The following MCC variants were observed in gnomAD, a reference collection of about 807,000 sequenced individuals.
MCC encodes colorectal mutant cancer protein.
In MCC, 90 loss-of-function variants were observed where a neutral mutation model predicts 116.2. The observed-to-expected ratio is 0.77, with a 90% CI of 0.65 to 0.92. The LOEUF (loss-of-function observed/expected upper bound fraction) is 0.92, where lower values mean the gene tolerates loss of function less well. MCC is among the 40% of genes least tolerant of loss of function. The pLI, the probability that MCC is intolerant of heterozygous loss-of-function variation, is 0.00. For synonymous variants in MCC, 578 were observed against 510.5 expected, an observed-to-expected ratio of 1.13 and a Z score of -1.78; for missense variants, 1,516 against 1,312.2, an observed-to-expected ratio of 1.16 and a Z score of -2.40.
At chr5:113,172,153 T>G (rs1169247663) in intron 3 of MCC, among the ~76,000 whole-genome samples, 1 of 152,150 alleles carries the variant, frequency 6.6e-6, no homozygotes, top group East Asian at 1.9e-4. Context: ...ATAGACACAG[T>G]TCAGCTCACA....
chr5:113,421,078 C>T (rs546527548), intron 1 of MCC, among the ~76,000 whole-genome samples: 2 of 151,882 alleles, frequency 1.3e-5, no homozygotes, highest in African/African-American at 4.8e-5. Context: ...GGCTGGAGTA[C>T]AGTGGCACGA....
chr5:113,044,585 G>A, intron 16 of MCC: 1 of 610,830 alleles, frequency 1.6e-6, no homozygotes, highest in Non-Finnish European at 2.0e-6. Flanking sequence ...TTTTTTGTTT[G>A]TTTTTTGAGA....
At chr5:113,282,597 C>T (rs781583254) in intron 3 of MCC, among the ~76,000 whole-genome samples, 4 of 152,088 alleles carry the variant, frequency 2.6e-5, no homozygotes, top group Non-Finnish European at 4.4e-5. Context: ...GAAATAAAAA[C>T]TCTTCCTGTC....
At chr5:113,148,821 A>G (rs1267210575) in intron 4 of MCC, among the ~76,000 whole-genome samples, 6 of 152,342 alleles carry the variant, frequency 3.9e-5, no homozygotes, top group African/African-American at 1.2e-4. Context: ...TCTATTTTAC[A>G]TAAGAATGCA....
chr5:113,156,543 G>A (rs1455669880), intron 3 of MCC, among the ~76,000 whole-genome samples: 1 of 152,216 alleles, frequency 6.6e-6, no homozygotes, highest in African/African-American at 2.4e-5. Context: ...GGACTAAGAA[G>A]CCAATAGCTG....
chr5:113,127,061 CCT>C (rs1207065687), intron 5 of MCC, among the ~76,000 whole-genome samples: 1 of 152,114 alleles, frequency 6.6e-6, no homozygotes, highest in Non-Finnish European at 1.5e-5. Context: ...CTGTTGTTCC[CCT>C]CTTTGTGTCC....
At chr5:113,170,577 G>A (rs566735892) in intron 3 of MCC, among the ~76,000 whole-genome samples, 26 of 152,042 alleles carry the variant, frequency 1.7e-4, no homozygotes, top group South Asian at 6.3e-4. Flanking sequence ...CCGGGGTCTC[G>A]GGGCATTCCT....
intron 3 of MCC, among the ~76,000 whole-genome samples, chr5:113,308,527 A>C (rs1211980444): frequency 6.6e-6 from 1 of 152,196 alleles, no homozygotes; most frequent in African/African-American, 2.4e-5. Context: ...AGCAGCCATA[A>C]GACTAACACT....
At chr5:113,449,996 A>C (rs1242941819) in intron 1 of MCC, among the ~76,000 whole-genome samples, 1 of 152,184 alleles carries the variant, frequency 6.6e-6, no homozygotes, top group Non-Finnish European at 1.5e-5. Context: ...AATTATATAC[A>C]GTTTGCACAA....
chr5:113,077,676 T>C (rs917731134), intron 11 of MCC, among the ~76,000 whole-genome samples: 1 of 152,204 alleles, frequency 6.6e-6, no homozygotes. Flanking sequence ...GGGAAACTTA[T>C]AGCACTAAAT....
chr5:113,434,240 C>G lies in MCC; in HGVS notation c.171-49028G>C. Reference sequence around the variant, plus strand: ...TGATGTAGAGGATCACGCCTAGGCTCCAGATGTCGTACACCTTGGGCTGGT... The same window carrying G: ...TGATGTAGAGGATCACGCCTAGGCTGCAGATGTCGTACACCTTGGGCTGGT... On this transcript the variant is annotated intron_variant, in intron 1 of 18. Transcript: ENST00000408903. This position sits in a 1 kb window ranked among gnomAD's most constrained non-coding sequence, Gnocchi z 4.2. 2 of 1,614,038 alleles carry G rather than the reference C, an allele frequency of 1.2e-6. No individual in the cohort carries two copies. The highest frequency in any genetic ancestry group is 1.7e-6 in the Non-Finnish European group (2 of 1,179,948).
intron 1 of MCC, among the ~76,000 whole-genome samples, chr5:113,467,211 G>C (rs1263940027): frequency 6.6e-6 from 1 of 151,688 alleles, no homozygotes; most frequent in South Asian, 2.1e-4. Context: ...TGTCAATTTT[G>C]GTTTTTGTTG....
intron 3 of MCC, among the ~76,000 whole-genome samples, chr5:113,176,768 A>T (rs1355883953): frequency 6.6e-6 from 1 of 152,090 alleles, no homozygotes; most frequent in Non-Finnish European, 1.5e-5. Flanking sequence ...ATCCTTTTTG[A>T]ATTCTTCCTC....
chr5:113,298,765 C>G (rs1227531208), intron 3 of MCC, among the ~76,000 whole-genome samples: 4 of 152,100 alleles, frequency 2.6e-5, no homozygotes, highest in Admixed American at 2.6e-4. Context: ...GTAGGGAAGA[C>G]AAGAATTCAG....
chr5:113,065,252 G>C (rs1753521375), intron 13 of MCC, among the ~76,000 whole-genome samples: 1 of 152,136 alleles, frequency 6.6e-6, no homozygotes, highest in Non-Finnish European at 1.5e-5. Flanking sequence ...CTACCCTGGT[G>C]GGGGACGCTG....
intron 3 of MCC, among the ~76,000 whole-genome samples, chr5:113,287,392 G>A (rs1028312470): frequency 2.0e-5 from 3 of 152,082 alleles, no homozygotes; most frequent in Non-Finnish European, 4.4e-5. Context: ...GCTGTGGTGC[G>A]ATCTTGGCTC....
chr5:113,172,656 C>T (rs1475548949), intron 3 of MCC, among the ~76,000 whole-genome samples: 2 of 152,166 alleles, frequency 1.3e-5, no homozygotes, highest in African/African-American at 4.8e-5. Context: ...CTGGGCGTAC[C>T]ATAACTTAGC....
At chr5:113,480,805 C>A (rs939300094) in intron 1 of MCC, among the ~76,000 whole-genome samples, 1 of 152,092 alleles carries the variant, frequency 6.6e-6, no homozygotes, top group Admixed American at 6.6e-5. Context: ...CAGACAGTGT[C>A]TTGCTCTGTT....
chr5:113,278,452 C>T (rs536621043), intron 3 of MCC, among the ~76,000 whole-genome samples: 5 of 152,248 alleles, frequency 3.3e-5, no homozygotes, highest in South Asian at 4.1e-4. Context: ...TGCTACAATG[C>T]GAACTACCCA....
Sources: allele counts gnomAD v4.1 joint callset (sites outside exome capture counted in the v4.1 genomes callset), GRCh38; gene constraint gnomAD v4.1.1; non-coding constraint Gnocchi (gnomAD v3.1); transcripts MANE v1.5; gene names NCBI Gene and HGNC (gene_info 2026-07-23, HGNC 2026-07-21).